WIF1: variants seen among roughly 807,000 people sequenced by gnomAD.
WIF1 encodes Wnt inhibitory factor 1.
In WIF1, 35 loss-of-function variants were observed where a neutral mutation model predicts 53.5. The observed-to-expected ratio is 0.65, with a 90% confidence interval of 0.50 to 0.87. The LOEUF (loss-of-function observed/expected upper bound fraction) is 0.87, where lower values mean the gene tolerates loss of function less well. Among genes scored for constraint, WIF1 ranks in the 40% least tolerant of loss-of-function variants. The pLI is 0.00. For synonymous variants in WIF1, 171 were observed against 170.4 expected (o/e 1.00, Z -0.03); for missense variants, 467 against 476.8 (o/e 0.98, Z 0.19).
At chr12:65,055,554 G>A (rs923060534) in intron 8 of WIF1, among the ~76,000 whole-genome samples, 2 of 152,172 alleles carry the variant, frequency 1.3e-5, no homozygotes, top group Non-Finnish European at 2.9e-5. Flanking sequence ...GGTGGATCAC[G>A]AGGTCAGGAG....
intron 2 of WIF1, among the ~76,000 whole-genome samples, chr12:65,111,061 G>A (rs1883422952): frequency 6.6e-6 from 1 of 152,208 alleles, no homozygotes; most frequent in African/African-American, 2.4e-5. Context: ...GGCAGGAAAG[G>A]TGAGCCTGGG....
intron 2 of WIF1, among the ~76,000 whole-genome samples, chr12:65,092,508 G>GTATATATATA (rs144164448): frequency 2.0e-5 from 3 of 146,700 alleles, no homozygotes; most frequent in African/African-American, 7.6e-5. Context: ...ATATATGTGT[G>GTATATATATA]TATATATATA....
chr12:65,106,304 G>T (rs988153595), intron 2 of WIF1, among the ~76,000 whole-genome samples: 2 of 151,250 alleles, frequency 1.3e-5, no homozygotes, highest in African/African-American at 2.4e-5. Flanking sequence ...AGACAGATTT[G>T]GACTCATTTA....
chr12:65,060,995 G>C (rs1278356855), intron 7 of WIF1, among the ~76,000 whole-genome samples: 1 of 152,166 alleles, frequency 6.6e-6, no homozygotes, highest in African/African-American at 2.4e-5. Context: ...TTACATGAAG[G>C]AAAATGAGCC....
At chr12:65,119,201 G>A (rs1883558885) in intron 2 of WIF1, among the ~76,000 whole-genome samples, 1 of 152,170 alleles carries the variant, frequency 6.6e-6, no homozygotes, top group Non-Finnish European at 1.5e-5. Context: ...TATGAAGAGG[G>A]ACTTGTAGGG....
intron 1 of WIF1, 85 bp from the exon 2 acceptor site, chr12:65,120,641 G>T: frequency 6.8e-7 from 1 of 1,472,108 alleles, no homozygotes; most frequent in South Asian, 1.3e-5. Flanking sequence ...GAAAACCAAA[G>T]AATTAGTGTG....
At chr12:65,096,040 C>T (rs1883199366) in intron 2 of WIF1, among the ~76,000 whole-genome samples, 1 of 152,150 alleles carries the variant, frequency 6.6e-6, no homozygotes, top group South Asian at 2.1e-4. Flanking sequence ...AACTAAAGAG[C>T]TTCTGCACAG....
intron 6 of WIF1, among the ~76,000 whole-genome samples, chr12:65,063,949 C>T (rs1053649928): frequency 2.6e-5 from 4 of 152,104 alleles, no homozygotes; most frequent in Non-Finnish European, 4.4e-5. Flanking sequence ...AAAATTCAAG[C>T]CTCTTAATGT....
At chr12:65,107,049 T>C (rs1883362349) in intron 2 of WIF1, among the ~76,000 whole-genome samples, 1 of 152,164 alleles carries the variant, frequency 6.6e-6, no homozygotes, top group East Asian at 1.9e-4. Flanking sequence ...TAATGAGCTA[T>C]TGAAATGAGT....
At chr12:65,089,684 C>T (rs2136629097) in intron 2 of WIF1, among the ~76,000 whole-genome samples, 1 of 152,278 alleles carries the variant, frequency 6.6e-6, no homozygotes, top group African/African-American at 2.4e-5. Context: ...TACTCTATGC[C>T]TGGAGTATCC....
intron 2 of WIF1, among the ~76,000 whole-genome samples, chr12:65,105,740 A>G (rs1186811576): frequency 5.3e-5 from 8 of 152,108 alleles, no homozygotes; most frequent in Non-Finnish European, 1.2e-4. Context: ...CAATAGATTC[A>G]TGAGGGATCT....
At chr12:65,077,472 C>A (rs140653572) in intron 3 of WIF1, among the ~76,000 whole-genome samples, 1 of 152,022 alleles carries the variant, frequency 6.6e-6, no homozygotes, top group East Asian at 1.9e-4. Flanking sequence ...TTTCTTTCTC[C>A]TTTTTTTTCT....
At chr12:65,096,883 A>AG (rs573004187) in intron 2 of WIF1, among the ~76,000 whole-genome samples, 122 of 152,162 alleles carry the variant, frequency 8.0e-4, no homozygotes, top group African/African-American at 2.8e-3. Context: ...GGGCAAGGGG[A>AG]GGGAGAACAT....
At position 65,100,837 on chromosome 12, in the gene WIF1, A is replaced by T. The variant is rs190716941; in HGVS notation, c.288+19580T>A. On this transcript the variant is annotated intron_variant, in intron 2 of 9. Transcript: ENST00000286574. ...GGAGTTCAAGACTAGCCTGGGCAAC[A>T]TACTGAGATCCCATCTCTACAAAAA... 4.4e-3 allele frequency among the ~76,000 whole-genome samples: 673 copies of T among 152,264 alleles called. 12 individuals carry two copies. The highest frequency in any genetic ancestry group is 2.8e-3 in the Non-Finnish European group (190 of 68,030).
At chr12:65,115,701 A>G (rs1883498271) in intron 2 of WIF1, among the ~76,000 whole-genome samples, 1 of 152,252 alleles carries the variant, frequency 6.6e-6, no homozygotes, top group Admixed American at 6.5e-5. Flanking sequence ...CTCATCTAAA[A>G]GCCTTGAGAG....
At chr12:65,055,903 A>G (rs1882517727) in intron 8 of WIF1, 128 bp downstream of exon 8, 2 of 729,996 alleles carry the variant, frequency 2.7e-6, no homozygotes, top group Non-Finnish European at 4.4e-6. Flanking sequence ...GGAAGCATAT[A>G]TGTCAGTGAA....
intron 9 of WIF1, among the ~76,000 whole-genome samples, chr12:65,054,685 A>T (rs1882497026): frequency 6.6e-6 from 1 of 152,230 alleles, no homozygotes; most frequent in Non-Finnish European, 1.5e-5. Context: ...TTTTATAATG[A>T]TACTTGACAA....
intron 2 of WIF1, among the ~76,000 whole-genome samples, chr12:65,093,400 A>G (rs551002096): frequency 1.1e-4 from 16 of 152,308 alleles, no homozygotes; most frequent in African/African-American, 3.8e-4. Context: ...TGCCTGCTTA[A>G]CACATGCCAG....
chr12:65,089,375 A>C (rs1204618283), intron 2 of WIF1, among the ~76,000 whole-genome samples: 1 of 152,084 alleles, frequency 6.6e-6, no homozygotes, highest in Non-Finnish European at 1.5e-5. Context: ...CAAAATTCAG[A>C]CATTTCTCCC....
Sources: gnomAD v4.1 joint callset for allele counts (sites outside exome capture counted in the v4.1 genomes callset) on GRCh38, gnomAD v4.1.1 for gene constraint, MANE v1.5 for transcripts, NCBI Gene and HGNC (gene_info 2026-07-23, HGNC 2026-07-21) for gene names.